Variants in MREG observed in about 807,000 individuals in gnomAD.
The protein encoded by MREG is dilute suppressor protein homolog.
Under a neutral mutation model 28.5 loss-of-function variants are expected in MREG, and 31 were observed. The observed-to-expected ratio is 1.09, with a 90% CI of 0.82 to 1.47. The LOEUF (loss-of-function observed/expected upper bound fraction) is 1.47, where lower values mean the gene tolerates loss of function less well. MREG is among the 40% of genes most tolerant of loss of function. The pLI, the probability that MREG is intolerant of heterozygous loss-of-function variation, is 0.00. For missense variants in MREG, 256 were observed against 257.4 expected, an observed-to-expected ratio of 0.99 and a Z score of 0.04; for synonymous variants, 106 against 95.2, an observed-to-expected ratio of 1.11 and a Z score of -0.66.
chr2:215,945,154 C>G (rs1449996141), intron 4 of MREG, among the ~76,000 whole-genome samples, 157 bp from the exon 5 acceptor site: 1 of 152,346 alleles, frequency 6.6e-6, no homozygotes, highest in East Asian at 1.9e-4. Flanking sequence ...TGTAGAGACA[C>G]GCCTTAATCC....
rs1159021350 is a variant in MREG, at chr2:215,943,700, G to A, written c.*1163C>T. 1 of 342,402 alleles carries A rather than the reference G, an allele frequency of 2.9e-6. No homozygotes were observed. 21.2% of individuals were successfully genotyped at this position (342,402 alleles called of 1,614,324 possible). ...ACTAAAAATACAAAAAATTAGCCAGGTGTGGTGGCACGCGCCTGTAGTTCC... is the reference window on the plus strand; with the variant it reads ...ACTAAAAATACAAAAAATTAGCCAGATGTGGTGGCACGCGCCTGTAGTTCC... On this transcript the variant is annotated 3_prime_UTR_variant, in exon 5 of 5. Coordinates refer to ENST00000263268, the MANE Select transcript of MREG (RefSeq NM_018000.3).
At chr2:215,949,417 C>T (rs112323267) in intron 2 of MREG, among the ~76,000 whole-genome samples, 10,681 of 148,910 alleles carry the variant, frequency 0.072, 478 homozygotes, top group Middle Eastern at 0.22. Flanking sequence ...AAAAATTTGC[C>T]GGGTGTGGTG....
intron 2 of MREG, among the ~76,000 whole-genome samples, chr2:215,993,262 C>T (rs187535081): frequency 2.2e-3 from 333 of 152,160 alleles, no homozygotes; most frequent in African/African-American, 7.6e-3. Context: ...TCAGAAGTAA[C>T]GCCACACATC....
upstream of MREG, among the ~76,000 whole-genome samples, chr2:216,017,898 C>T (rs1246883540): frequency 6.6e-6 from 1 of 151,886 alleles, no homozygotes; most frequent in African/African-American, 2.4e-5. Context: ...TGCCTGTAAT[C>T]CTAGCACTTT....
At position 216,013,422 on chromosome 2, in the gene MREG, G is replaced by C; in HGVS notation, c.-95C>G. The C allele has an allele frequency of 1.2e-6, 1 of 860,162 alleles. No homozygotes were observed. Among genetic ancestry groups the C allele is most frequent in the African/African-American group, 1.8e-5 (1 of 55,778 alleles). 53.3% of individuals were successfully genotyped at this position (860,162 alleles called of 1,614,324 possible). On this transcript the variant is annotated 5_prime_UTR_variant, in exon 1 of 5. Coordinates refer to ENST00000263268, the MANE Select transcript of MREG (RefSeq NM_018000.3). ...GGCGCGGCCACCGCGCCAGCGTCCA[G>C]GTGCGGGGACAGCGGCAGCCCGGGC...
chr2:215,968,276 C>A (rs1692998184), intron 2 of MREG, among the ~76,000 whole-genome samples: 1 of 152,178 alleles, frequency 6.6e-6, no homozygotes, highest in Non-Finnish European at 1.5e-5. Flanking sequence ...AGGGAACAAG[C>A]ATCTGTTTTA....
intron 4 of MREG, 43 bp from the exon 5 acceptor site, chr2:215,945,040 G>A: frequency 6.5e-7 from 1 of 1,530,404 alleles, no homozygotes. Context: ...TGGCAAGATA[G>A]GAACCAAGAC....
chr2:215,990,602 A>T lies in MREG; in HGVS notation c.255+5704T>A, dbSNP rs555666293. On this transcript the variant is annotated intron_variant, in intron 2 of 4. Coordinates refer to ENST00000263268, the MANE Select transcript of MREG (RefSeq NM_018000.3). ...CCCAATTAAAAGACACAGACTGGCA[A>T]ATTGGATAAAGAGTCAAGACCCATC... Among the ~76,000 whole-genome samples the T allele has an allele frequency of 2.0e-5, 3 of 152,350 alleles. No homozygotes were observed. In the South Asian group the frequency reaches 6.2e-4, roughly 32 times the overall value.
intron 1 of MREG, among the ~76,000 whole-genome samples, chr2:216,026,042 G>T (rs1271487709): frequency 6.6e-6 from 1 of 152,180 alleles, no homozygotes. Flanking sequence ...TTCCCTAGAA[G>T]TACTGACATA....
At chr2:216,014,379 G>A (rs555512540), upstream of MREG, among the ~76,000 whole-genome samples, 2 of 152,132 alleles carry the variant, frequency 1.3e-5, no homozygotes, top group South Asian at 4.1e-4. Context: ...GGCCGGGCGC[G>A]GTAGCTCAAG....
intron 1 of MREG, among the ~76,000 whole-genome samples, chr2:216,004,042 C>G (rs1439870644): frequency 6.6e-6 from 1 of 152,188 alleles, no homozygotes; most frequent in Admixed American, 6.5e-5. Flanking sequence ...GGTCCCCAGG[C>G]CTGCAGTGAC....
At chr2:215,996,197 A>G in intron 2 of MREG, 109 bp downstream of exon 2, 1 of 1,197,986 alleles carries the variant, frequency 8.3e-7, no homozygotes, top group Non-Finnish European at 1.1e-6. Flanking sequence ...TTCATTTCAA[A>G]CATTTCATCC....
chr2:215,946,125 T>C (rs887693605), intron 3 of MREG, among the ~76,000 whole-genome samples: 2 of 151,576 alleles, frequency 1.3e-5, no homozygotes, highest in Admixed American at 1.3e-4. Context: ...GCTGTCCTTC[T>C]CCAAACCTGG....
intron 2 of MREG, among the ~76,000 whole-genome samples, chr2:215,948,287 C>T (rs142706732): frequency 1.3e-5 from 2 of 152,338 alleles, no homozygotes; most frequent in African/African-American, 4.8e-5. Context: ...TTTGTTACGA[C>T]GGCATTTTAG....
rs1693817613 is a variant in MREG at position 215,994,706 on chromosome 2, G to A, written c.255+1600C>T. On this transcript the variant is annotated intron_variant, in intron 2 of 4. Coordinates refer to ENST00000263268, the MANE Select transcript of MREG (RefSeq NM_018000.3). ...GGACCAGCACAAAAAAGACACAATG[G>A]GCCACTTTAGAAGCTGTGCTTTCCA... Among the ~76,000 whole-genome samples, 2 of 149,614 alleles carry A rather than the reference G, an allele frequency of 1.3e-5. 1 individual carries two copies. Among genetic ancestry groups the A allele is most frequent in the African/African-American group, 5.1e-5 (2 of 39,274 alleles).
intron 1 of MREG, among the ~76,000 whole-genome samples, chr2:216,028,193 A>G (rs892126360): frequency 2.0e-5 from 3 of 152,152 alleles, no homozygotes; most frequent in African/African-American, 4.8e-5. Flanking sequence ...CAAACCATTG[A>G]AAGAGATGTC....
chr2:215,958,865 A>G (rs1389482208), intron 2 of MREG, among the ~76,000 whole-genome samples: 4 of 152,162 alleles, frequency 2.6e-5, no homozygotes, highest in African/African-American at 7.2e-5. Context: ...TGGGAAAGGG[A>G]AAAGGAGATG....
intron 2 of MREG, among the ~76,000 whole-genome samples, chr2:215,959,266 TCA>T (rs1437983946): frequency 1.3e-5 from 2 of 152,154 alleles, no homozygotes; most frequent in African/African-American, 4.8e-5. Context: ...GCTCCAGGTC[TCA>T]GTTTCCACCT....
At chr2:216,005,257 T>C (rs1480096401) in intron 1 of MREG, among the ~76,000 whole-genome samples, 1 of 152,074 alleles carries the variant, frequency 6.6e-6, no homozygotes, top group African/African-American at 2.4e-5. Flanking sequence ...GTGAGTTCTA[T>C]GAGAACACAC....
Sources: gnomAD v4.1 joint callset for allele counts (sites outside exome capture counted in the v4.1 genomes callset) on GRCh38, gnomAD v4.1.1 for gene constraint, MANE v1.5 for transcripts, NCBI Gene and HGNC (gene_info 2026-07-23, HGNC 2026-07-21) for gene names.